Variants in TAPBPL observed in about 807,000 individuals in gnomAD.
TAPBPL encodes the protein tapasin-related protein.
TAPBPL carries 32 observed loss-of-function variants against 44.8 expected under a neutral mutation model. The observed-to-expected ratio is 0.71, with a 90% CI of 0.54 to 0.96. The LOEUF (loss-of-function observed/expected upper bound fraction) is 0.96, where lower values mean the gene tolerates loss of function less well. Ranked by LOEUF, TAPBPL falls within the 40% of genes least tolerant of loss-of-function variation. TAPBPL has a pLI of 0.00. For synonymous variants in TAPBPL, 230 were observed against 240.7 expected (o/e 0.96, Z 0.41); for missense variants, 520 against 586.6 (o/e 0.89, Z 1.17).
At chr12:6,466,033 T>G (rs1950015944), downstream of TAPBPL, 3 of 1,613,472 alleles carry the variant, frequency 1.9e-6, no homozygotes, top group Non-Finnish European at 2.5e-6. Context: ...GCAGCTAAGC[T>G]TCCTGCCAGA....
intron 5 of TAPBPL, among the ~76,000 whole-genome samples, chr12:6,460,408 G>A (rs997625742): frequency 6.6e-6 from 1 of 152,128 alleles, no homozygotes; most frequent in African/African-American, 2.4e-5. Flanking sequence ...TGGGACCACA[G>A]GCGCACACCA....
At chr12:6,466,409 G>C, downstream of TAPBPL, 10 of 1,564,378 alleles carry the variant, frequency 6.4e-6, no homozygotes, top group South Asian at 1.2e-4. Flanking sequence ...GGAGCTGGGC[G>C]TGGTAGCACA....
At chr12:6,452,831 G>A (rs999266289) in intron 1 of TAPBPL, among the ~76,000 whole-genome samples, 1 of 152,216 alleles carries the variant, frequency 6.6e-6, no homozygotes, top group Non-Finnish European at 1.5e-5. Context: ...AAACTCCTCT[G>A]AGCAAGGCAA....
rs752166792 is a variant in TAPBPL, at chr12:6,453,105, G to A, written c.103G>A (p.Val35Met). The A allele has an allele frequency of 8.4e-5, 132 of 1,579,770 alleles. No individual in the cohort carries two copies. Among genetic ancestry groups the A allele is most frequent in the Non-Finnish European group, 9.8e-5 (114 of 1,162,696 alleles). ...AGAGGGGCAGTGGCGGGCAGTGGAC[G>A]TGGTCCTAGACTGCTTCCTGGCGAA... is the stretch of plus-strand genomic sequence containing the variant. ...PAEGQWRAVD[V>M]VLDCFLAKDG... Residue 35 changes from valine to methionine, a missense_variant, in exon 2 of 7, where the codon GTG becomes ATG. Transcript: ENST00000266556. The surrounding 1 kb of genome is among the most constrained non-coding windows in gnomAD (Gnocchi z 4.8).
At chr12:6,455,461 A>G (rs1288123198) in intron 3 of TAPBPL, among the ~76,000 whole-genome samples, 1 of 152,182 alleles carries the variant, frequency 6.6e-6, no homozygotes, top group Non-Finnish European at 1.5e-5. Context: ...AAAATCAGCT[A>G]AAAGTCAGAT....
chr12:6,458,578 G>A (rs1487138211), intron 4 of TAPBPL, 67 bp from the exon 5 acceptor site: 21 of 1,554,414 alleles, frequency 1.4e-5, no homozygotes, highest in Non-Finnish European at 1.7e-5. Flanking sequence ...AGGAAGAAAA[G>A]GCTTCAGGCT....
downstream of TAPBPL, chr12:6,463,924 G>C: frequency 7.8e-7 from 1 of 1,288,000 alleles, no homozygotes; most frequent in Non-Finnish European, 1.0e-6. The surrounding 1 kb of genome is among the most constrained non-coding windows in gnomAD (Gnocchi z 4.0). Flanking sequence ...TTTTACTTTC[G>C]AAAAGGGTAC....
downstream of TAPBPL, chr12:6,465,872 T>C (rs765459461): frequency 9.3e-6 from 15 of 1,614,110 alleles, no homozygotes; most frequent in Admixed American, 3.3e-5. Flanking sequence ...ACTTCCTCTT[T>C]AGCTTGGCAG....
chr12:6,470,612 T>G (rs1205605466), downstream of TAPBPL: 2 of 1,580,984 alleles, frequency 1.3e-6, no homozygotes, highest in Middle Eastern at 1.7e-4. Flanking sequence ...GCGGCTGAAG[T>G]GGACGGAACT....
chr12:6,452,252 G>T lies in TAPBPL; in HGVS notation c.4G>T (p.Gly2Cys). The change falls in exon 1 of 7, where the codon GGC becomes TGC. Residue 2 changes from glycine (G) to cysteine (C), a missense_variant. Physicochemically the swap from Gly to Cys is radical, Grantham distance 159 (BLOSUM62 -3). Transcript: ENST00000266556. ...AGGGAACTCGAGAGCAGCCTCCATG[G>T]GCACACAGGAGGGCTGGTGCCTGCT... M[G>C]TQEGWCLLLC... is the part of the protein sequence containing the mutation. 1 of 1,572,426 alleles carries T rather than the reference G, an allele frequency of 6.4e-7. No homozygotes were observed. The highest frequency in any genetic ancestry group is 8.6e-7 in the Non-Finnish European group (1 of 1,159,240).
chr12:6,462,099 A>G lies in TAPBPL; in HGVS notation c.1357A>G (p.Ser453Gly). ...GACCACTTCCTGTGCTGACACACAG[A>G]GCTCCCATCTCCATGAAGACCGCAC... ...WETTSCADTQ[S>G]SHLHEDRTAR... Residue 453 changes from serine to glycine, a missense_variant, in exon 7 of 7, where the codon AGC (serine) becomes GGC (glycine). Coordinates refer to ENST00000266556, the MANE Select transcript of TAPBPL (RefSeq NM_018009.5). The G allele has an allele frequency of 6.2e-7, 1 of 1,613,736 alleles. No homozygotes were observed. Among genetic ancestry groups the G allele is most frequent in the Non-Finnish European group, 8.5e-7 (1 of 1,179,688 alleles).
rs553913258 is a variant in TAPBPL at position 6,459,850 on chromosome 12, A to T, written c.1207+903A>T. Among the ~76,000 whole-genome samples the T allele has an allele frequency of 1.1e-4, 16 of 151,842 alleles. No individual in the cohort carries two copies. The East Asian group carries it at 2.9e-3, about 28-fold the overall frequency. On this transcript the variant is annotated intron_variant, in intron 5 of 6. Transcript: ENST00000266556. ...CAGTGGTATGATCTCAGCTCACTGCAACCTCCATATCCTGGGTTCAAGCCA... is the reference window on the plus strand; with the variant it reads ...CAGTGGTATGATCTCAGCTCACTGCTACCTCCATATCCTGGGTTCAAGCCA...
chr12:6,464,340 G>A (rs752310304), downstream of TAPBPL: 66 of 1,550,456 alleles, frequency 4.3e-5, no homozygotes, highest in Admixed American at 5.9e-5. Flanking sequence ...CGAAAAAGGA[G>A]GAATGGGTGA....
At chr12:6,456,702 G>T (rs1193886210) in intron 3 of TAPBPL, among the ~76,000 whole-genome samples, 1 of 151,922 alleles carries the variant, frequency 6.6e-6, no homozygotes, top group South Asian at 2.1e-4. Flanking sequence ...GCCCAGACTG[G>T]AGTGCAATGG....
intron 4 of TAPBPL, among the ~76,000 whole-genome samples, chr12:6,458,355 G>A (rs553147810): frequency 6.7e-6 from 1 of 150,226 alleles, no homozygotes; most frequent in Non-Finnish European, 1.5e-5. Flanking sequence ...CAGCTTGGGC[G>A]ACAGAGCAAG....
downstream of TAPBPL, chr12:6,464,551 G>A (rs74056957): frequency 8.2e-3 from 11,965 of 1,465,522 alleles, 801 homozygotes; most frequent in African/African-American, 0.15. Flanking sequence ...ACAAGAGGGT[G>A]AATTACACCA....
chr12:6,452,101 G>A lies in TAPBPL; in HGVS notation c.-148G>A. 3 of 931,180 alleles carry A rather than the reference G, an allele frequency of 3.2e-6. No individual in the cohort carries two copies. Among genetic ancestry groups the A allele is most frequent in the Non-Finnish European group, 5.0e-6 (3 of 604,570 alleles). 57.7% of individuals were successfully genotyped at this position (931,180 alleles called of 1,614,324 possible). A position where few individuals can be genotyped will look rare whatever the true frequency, so the allele number is the denominator to read the frequency against. ...TGCTCTAAGTGAAAGTGAAAGAAAA[G>A]TCGGCAGCAGAGGGAACAGGGAAGA... On this transcript the variant is annotated 5_prime_UTR_variant, in exon 1 of 7. Transcript: ENST00000266556.
At position 6,453,009 on chromosome 12, in the gene TAPBPL, A is replaced by C. The variant is rs1040961092; in HGVS notation, c.65-58A>C. On this transcript the variant is annotated intron_variant, in intron 1 of 6. Transcript: ENST00000266556. This position sits in a 1 kb window ranked among gnomAD's most constrained non-coding sequence, Gnocchi z 4.8. ...CCACAGCTTGAGGGCGGGGGCAGGAAGCAAGTGTGGAGTAGCTTTCTGGGG... is the reference window on the plus strand; with the variant it reads ...CCACAGCTTGAGGGCGGGGGCAGGACGCAAGTGTGGAGTAGCTTTCTGGGG... 2 of 1,500,736 alleles carry C rather than the reference A, an allele frequency of 1.3e-6. No homozygotes were observed. Among genetic ancestry groups the C allele is most frequent in the African/African-American group, 2.8e-5 (2 of 72,484 alleles). The allele number at this position is 1,500,736 out of a possible 1,614,324, so 93.0% of individuals were successfully genotyped here.
chr12:6,464,973 G>A (rs1309136209), downstream of TAPBPL: 2 of 1,612,238 alleles, frequency 1.2e-6, no homozygotes, highest in Middle Eastern at 1.7e-4. Flanking sequence ...ATGAGCCCTT[G>A]GATTTCAGGA....
Sources: allele counts gnomAD v4.1 joint callset (sites outside exome capture counted in the v4.1 genomes callset), GRCh38; gene constraint gnomAD v4.1.1; non-coding constraint Gnocchi (gnomAD v3.1); transcripts MANE v1.5; gene names NCBI Gene and HGNC (gene_info 2026-07-23, HGNC 2026-07-21).